HRH1: variants seen among roughly 807,000 people sequenced by gnomAD.
HRH1 encodes histamine receptor H1, also known as histamine H1 receptor.
In HRH1, 6 loss-of-function variants were observed where a neutral mutation model predicts 10.3. The observed-to-expected ratio is 0.58, with a 90% CI of 0.32 to 1.15. The LOEUF is 1.15. HRH1 is among the 50% of genes most tolerant of loss of function. The probability of loss-of-function intolerance (pLI) is 0.05; values close to 1 mark genes in which losing one functional copy is unlikely to be tolerated. For missense variants in HRH1, 514 were observed against 615.3 expected (o/e 0.84, Z 1.74); for synonymous variants, 242 against 236.7 (o/e 1.02, Z -0.21).
intron 1 of HRH1, among the ~76,000 whole-genome samples, chr3:11,166,438 G>A (rs900742762): frequency 3.9e-5 from 6 of 152,326 alleles, no homozygotes; most frequent in South Asian, 2.1e-4. Context: ...CTAGGCACAC[G>A]GGATTCCTGC....
chr3:11,180,126 A>G (rs556987530), intron 1 of HRH1, among the ~76,000 whole-genome samples: 93 of 152,258 alleles, frequency 6.1e-4, no homozygotes, highest in Middle Eastern at 3.4e-3. Flanking sequence ...TCACCTGTCT[A>G]AACTGAATTT....
At chr3:11,147,725 C>T (rs1559251287) in intron 1 of HRH1, among the ~76,000 whole-genome samples, 1 of 152,188 alleles carries the variant, frequency 6.6e-6, no homozygotes. Flanking sequence ...GAAGCTGATA[C>T]TATTATTATC....
At chr3:11,151,500 G>T (rs543064550), upstream of HRH1, among the ~76,000 whole-genome samples, 8 of 134,780 alleles carry the variant, frequency 5.9e-5, no homozygotes, top group East Asian at 2.3e-4. Flanking sequence ...TCCTTTTTTG[G>T]GGGGGCGGTG....
At chr3:11,245,182 G>A (rs915641084) in intron 1 of HRH1, among the ~76,000 whole-genome samples, 12 of 151,952 alleles carry the variant, frequency 7.9e-5, no homozygotes, top group South Asian at 4.2e-4. Flanking sequence ...GCAAAACCCC[G>A]TCTCTACTAA....
At chr3:11,141,971 C>T (rs947596998) in intron 1 of HRH1, among the ~76,000 whole-genome samples, 104 of 152,218 alleles carry the variant, frequency 6.8e-4, no homozygotes, top group African/African-American at 2.5e-3. Flanking sequence ...CCACTATCTT[C>T]ATGCAAACAA....
intron 1 of HRH1, among the ~76,000 whole-genome samples, chr3:11,227,759 C>G (rs1025052556): frequency 2.6e-5 from 4 of 152,290 alleles, no homozygotes; most frequent in African/African-American, 9.6e-5. Context: ...AACTTCCTCT[C>G]TCTGAGAGTG....
At chr3:11,159,873 G>C (rs1294545086) in intron 1 of HRH1, among the ~76,000 whole-genome samples, 3 of 152,184 alleles carry the variant, frequency 2.0e-5, no homozygotes, top group Admixed American at 1.3e-4. Flanking sequence ...GGAGGAACTT[G>C]CTACCAATCA....
At chr3:11,166,815 A>G (rs575697438) in intron 1 of HRH1, among the ~76,000 whole-genome samples, 257 of 148,242 alleles carry the variant, frequency 1.7e-3, no homozygotes, top group African/African-American at 6.4e-3. Context: ...TGGCTTCTCC[A>G]GGCCCATGAC....
At chr3:11,197,402 G>A (rs937416501) in intron 1 of HRH1, among the ~76,000 whole-genome samples, 2 of 152,130 alleles carry the variant, frequency 1.3e-5, no homozygotes, top group African/African-American at 4.8e-5. Flanking sequence ...ACAGGGCCTG[G>A]CATCTATAGG....
At chr3:11,220,951 C>T (rs1015275351) in intron 1 of HRH1, among the ~76,000 whole-genome samples, 2 of 152,132 alleles carry the variant, frequency 1.3e-5, no homozygotes, top group African/African-American at 4.8e-5. Context: ...GACGAATCCC[C>T]AATTCTTTAA....
rs1021370937 is a variant in HRH1, at chr3:11,260,731, G to A, written c.*230G>A. On this transcript the variant is annotated 3_prime_UTR_variant, in exon 2 of 2. Coordinates refer to ENST00000431010, the MANE Select transcript of HRH1 (RefSeq NM_001098212.2). ...GAGGAAGCAGAATCTTTGCAAGAAA[G>A]TCAGACCTGTTTCTTGTAACTGGGT... 4 of 486,532 alleles carry A rather than the reference G, an allele frequency of 8.2e-6. No individual in the cohort carries two copies. The highest frequency in any genetic ancestry group is 1.1e-3 in the Middle Eastern group (2 of 1,824). The allele number at this position is 486,532 out of a possible 1,614,324, so 30.1% of individuals were successfully genotyped here.
At chr3:11,159,471 C>T (rs1936883595) in intron 1 of HRH1, among the ~76,000 whole-genome samples, 1 of 152,136 alleles carries the variant, frequency 6.6e-6, no homozygotes, top group African/African-American at 2.4e-5. Flanking sequence ...TGCATCTGCC[C>T]AGATGGTCAC....
At chr3:11,203,341 A>G (rs1315372097) in intron 1 of HRH1, among the ~76,000 whole-genome samples, 1 of 152,208 alleles carries the variant, frequency 6.6e-6, no homozygotes, top group African/African-American at 2.4e-5. Context: ...CTGTCTTCCA[A>G]AATGGCTGTA....
intron 1 of HRH1, among the ~76,000 whole-genome samples, chr3:11,205,747 C>T (rs777251928): frequency 4.0e-5 from 6 of 151,630 alleles, no homozygotes; most frequent in East Asian, 3.9e-4. Flanking sequence ...CTGTAACCTC[C>T]GCCTCCCAGA....
rs572614243 is a variant in HRH1 at position 11,159,946 on chromosome 3, A to G, written c.-36+5392A>G. On this transcript the variant is annotated intron_variant, in intron 1 of 1. Coordinates refer to ENST00000431010, the MANE Select transcript of HRH1 (RefSeq NM_001098212.2). ...TGCGAACCTGTCTGTCCTGAGTACC[A>G]TGGGGAGAGCCCAGCCTTGGACTCT... Among the ~76,000 whole-genome samples, 11 of 152,238 alleles carry G rather than the reference A, an allele frequency of 7.2e-5. 1 individual carries two copies. Among genetic ancestry groups the G allele is most frequent in the Admixed American group, 7.2e-4 (11 of 15,286 alleles).
chr3:11,170,590 G>C (rs190159067), intron 1 of HRH1, among the ~76,000 whole-genome samples: 1 of 152,242 alleles, frequency 6.6e-6, no homozygotes, highest in South Asian at 2.1e-4. Context: ...ACCGAGGCAC[G>C]GAGAGGGGAA....
intron 1 of HRH1, among the ~76,000 whole-genome samples, chr3:11,147,551 A>G (rs760529856): frequency 2.0e-5 from 3 of 152,190 alleles, no homozygotes; most frequent in Admixed American, 1.3e-4. Flanking sequence ...CTCAGCTATG[A>G]TATGAGGTCA....
Position 11,263,141 on chromosome 3 carries a change from T to A in HRH1, c.*2640T>A, listed in dbSNP as rs1326953287. ...TCCTGTCTGAACGATGGAAATTAAT[T>A]TTTGAATGTATAAAAGACAACAGAC... On this transcript the variant is annotated 3_prime_UTR_variant, in exon 2 of 2. Coordinates refer to ENST00000431010, the MANE Select transcript of HRH1 (RefSeq NM_001098212.2). 1.8e-5 allele frequency: 3 copies of A among 167,058 alleles called. No homozygotes were observed. The highest frequency in any genetic ancestry group is 2.9e-5 in the Non-Finnish European group (2 of 68,086). The allele number at this position is 167,058 out of a possible 1,614,324, so 10.3% of individuals were successfully genotyped here. A position where few individuals can be genotyped will look rare whatever the true frequency, so the allele number is the denominator to read the frequency against.
intron 1 of HRH1, among the ~76,000 whole-genome samples, chr3:11,246,248 C>T (rs1369230750): frequency 1.3e-5 from 2 of 152,234 alleles, no homozygotes; most frequent in Non-Finnish European, 2.9e-5. Context: ...CTAGGGAGAA[C>T]CTACAGGTGA....
Sources: allele counts gnomAD v4.1 joint callset (sites outside exome capture counted in the v4.1 genomes callset), GRCh38; gene constraint gnomAD v4.1.1; transcripts MANE v1.5; gene names NCBI Gene and HGNC (gene_info 2026-07-23, HGNC 2026-07-21).